PUDP: variants seen among roughly 807,000 people sequenced by gnomAD.
PUDP encodes the protein pseudouridine-5'-phosphatase.
A neutral mutation model predicts 9.4 loss-of-function variants in PUDP; 8 were observed. That is an observed-to-expected ratio of 0.85 (90% CI 0.50 to 1.53). PUDP has a LOEUF of 1.53. Ranked by LOEUF, PUDP falls within the 40% of genes most tolerant of loss-of-function variation. PUDP has a pLI of 0.00. For synonymous variants in PUDP, 99 were observed against 80.7 expected (o/e 1.23, Z -1.22); for missense variants, 188 against 189.7 (o/e 0.99, Z 0.05).
chrX:7,037,318 G>C (rs1376695108), intron 1 of PUDP, among the ~76,000 whole-genome samples: 1 of 111,921 alleles, frequency 8.9e-6, no homozygotes, highest in Non-Finnish European at 1.9e-5. Context: ...ATTTTACCTT[G>C]ACTTATCTTC....
At chrX:7,007,885 T>C (rs1396189429) in intron 1 of PUDP, among the ~76,000 whole-genome samples, 2 of 112,191 alleles carry the variant, frequency 1.8e-5, no homozygotes, top group Non-Finnish European at 3.8e-5. Flanking sequence ...GATTATCTTA[T>C]TCTTTGAAAC....
intron 1 of PUDP, among the ~76,000 whole-genome samples, chrX:6,711,660 G>T (rs1440816964): frequency 9.0e-6 from 1 of 111,692 alleles, no homozygotes; most frequent in Non-Finnish European, 1.9e-5. Flanking sequence ...TTTTCCTTCC[G>T]AGGCTTCTTC....
intron 3 of PUDP, among the ~76,000 whole-genome samples, chrX:6,876,673 T>TGTGTGTG (rs753716573): frequency 1.2e-4 from 8 of 66,531 alleles, no homozygotes; most frequent in Non-Finnish European, 1.6e-4. Flanking sequence ...GTGTGTGTGT[T>TGTGTGTG]TGTGTACACA....
At chrX:7,075,954 G>A (rs1190667826) in intron 3 of PUDP, among the ~76,000 whole-genome samples, 1 of 111,075 alleles carries the variant, frequency 9.0e-6, no homozygotes, top group Admixed American at 9.6e-5. Context: ...TGCAATGGGC[G>A]TCTTGTGGGA....
At chrX:6,798,506 C>T (rs1170382676) in intron 3 of PUDP, among the ~76,000 whole-genome samples, 1 of 110,842 alleles carries the variant, frequency 9.0e-6, no homozygotes, top group Non-Finnish European at 1.9e-5. Context: ...TGCCCATGTT[C>T]ACATTTGGAA....
At chrX:6,750,609 C>T (rs12013264) in intron 3 of PUDP, among the ~76,000 whole-genome samples, 4,384 of 111,233 alleles carry the variant, frequency 0.039, 93 homozygotes, top group African/African-American at 0.069. Context: ...TTGAAAATGG[C>T]TGGGGGTTTG....
chrX:6,955,389 C>T (rs1928613108), intron 3 of PUDP, among the ~76,000 whole-genome samples: 1 of 110,021 alleles, frequency 9.1e-6, no homozygotes, highest in Non-Finnish European at 1.9e-5. Flanking sequence ...CCCAGGTATT[C>T]TTTTTGTTTT....
At chrX:6,923,470 A>T (rs1245962182) in intron 3 of PUDP, among the ~76,000 whole-genome samples, 1 of 112,082 alleles carries the variant, frequency 8.9e-6, no homozygotes, top group East Asian at 2.8e-4. Flanking sequence ...CAACTCCTGC[A>T]GTCTTCTGTT....
intron 1 of PUDP, among the ~76,000 whole-genome samples, chrX:7,138,212 C>G (rs1466820198): frequency 9.0e-6 from 1 of 111,186 alleles, no homozygotes; most frequent in Admixed American, 9.5e-5. Flanking sequence ...GCTGGTGTCT[C>G]GATAACCATC....
chrX:6,878,390 A>G (rs946635398), intron 3 of PUDP, among the ~76,000 whole-genome samples: 11 of 109,572 alleles, frequency 1.0e-4, no homozygotes, highest in African/African-American at 3.7e-4. Flanking sequence ...TTTTAGAATA[A>G]AGGTCTCAAT....
intron 1 of PUDP, among the ~76,000 whole-genome samples, chrX:7,120,337 G>C (rs1200637548): frequency 9.0e-6 from 1 of 110,868 alleles, no homozygotes; most frequent in Non-Finnish European, 1.9e-5. Flanking sequence ...GAGGGAGAGA[G>C]AGAAGGTATG....
chrX:6,735,115 T>C (rs1004574844), intron 3 of PUDP, among the ~76,000 whole-genome samples: 3 of 112,456 alleles, frequency 2.7e-5, no homozygotes, highest in Non-Finnish European at 3.7e-5. Context: ...GCCAGTGATA[T>C]TCAGGAAGCT....
intron 3 of PUDP, among the ~76,000 whole-genome samples, chrX:7,069,957 T>C (rs1001763821): frequency 1.8e-4 from 20 of 112,630 alleles, no homozygotes; most frequent in Admixed American, 8.4e-4. Context: ...CATGTTAAGA[T>C]GACATACAAA....
intron 1 of PUDP, among the ~76,000 whole-genome samples, chrX:6,708,798 C>T (rs192630824): frequency 2.2e-4 from 25 of 111,540 alleles, no homozygotes; most frequent in Admixed American, 2.1e-3. Context: ...CTCGTTTCTC[C>T]GAGAAGAACT....
intron 3 of PUDP, among the ~76,000 whole-genome samples, chrX:6,837,044 G>C (rs143063885): frequency 1.8e-5 from 2 of 112,512 alleles, no homozygotes; most frequent in Non-Finnish European, 1.9e-5. Context: ...ACCAATGAGC[G>C]CATTTAAATT....
At chrX:6,821,676 C>A (rs1367988005) in intron 3 of PUDP, among the ~76,000 whole-genome samples, 3 of 111,798 alleles carry the variant, frequency 2.7e-5, no homozygotes, top group Non-Finnish European at 5.6e-5. Flanking sequence ...AAAGCAGCCC[C>A]ACATAATTTC....
intron 1 of PUDP, among the ~76,000 whole-genome samples, chrX:7,011,729 C>T (rs1469015887): frequency 1.8e-5 from 2 of 112,349 alleles, no homozygotes; most frequent in Non-Finnish European, 3.8e-5. Context: ...CTATCCATGG[C>T]TTTCCTCGTC....
intron 3 of PUDP, among the ~76,000 whole-genome samples, chrX:6,806,748 G>A (rs955742228): frequency 8.9e-6 from 1 of 112,314 alleles, no homozygotes; most frequent in Non-Finnish European, 1.9e-5. Flanking sequence ...TTTCCTGAGA[G>A]AGAACATGCA....
chrX:7,107,729 G>A (rs765881659), intron 1 of PUDP, among the ~76,000 whole-genome samples: 328 of 112,624 alleles, frequency 2.9e-3, no homozygotes, highest in Non-Finnish European at 5.1e-3. Flanking sequence ...TCAGGAGGCT[G>A]GGGCAGGAGA....
Sources: allele counts gnomAD v4.1 joint callset (sites outside exome capture counted in the v4.1 genomes callset), GRCh38; gene constraint gnomAD v4.1.1; transcripts MANE v1.5; gene names NCBI Gene and HGNC (gene_info 2026-07-23, HGNC 2026-07-21).